The following ABHD12 variants were observed in gnomAD, a reference collection of about 807,000 sequenced individuals.
ABHD12 encodes the protein abhydrolase domain containing 12, lysophospholipase, also known as lysophosphatidylserine lipase ABHD12.
Under a neutral mutation model 58.3 loss-of-function variants are expected in ABHD12, and 43 were observed. The ratio of observed to expected loss-of-function variants is 0.74; its 90% CI spans 0.58 to 0.95. The LOEUF (loss-of-function observed/expected upper bound fraction) is 0.95, where lower values mean the gene tolerates loss of function less well. Among genes scored for constraint, ABHD12 ranks in the 40% least tolerant of loss-of-function variants. ABHD12 has a pLI of 0.00. For synonymous variants in ABHD12, 219 were observed against 211.2 expected, an observed-to-expected ratio of 1.04 and a Z score of -0.32; for missense variants, 539 against 537.2, an observed-to-expected ratio of 1.00 and a Z score of -0.03.
chr20:25,296,372 C>T (rs201489693), downstream of ABHD12: 8 of 1,614,050 alleles, frequency 5.0e-6, no homozygotes, highest in East Asian at 1.6e-4. Flanking sequence ...CCCTGCAGAA[C>T]CCCAAGGAGT....
rs2088807027 is a variant in ABHD12, at chr20:25,309,369, ACT to A, written c.749+75_749+76del. 3.7e-6 allele frequency: 6 copies of A among 1,602,906 alleles called. No homozygotes were observed. The African/African-American group carries it at 4.0e-5, about 11-fold the overall frequency. ...GCCACAGGGTTTGCAGGGATGGTGG[ACT>A]CTCTAGATCCAGGCATGGGAGTCAC... On this transcript the variant is annotated intron_variant, in intron 7 of 12. Transcript: ENST00000339157.
At chr20:25,294,824 G>GT (rs1485642046) in exon 13 of ABHD12, 1 of 813,900 alleles carries the variant, frequency 1.2e-6, no homozygotes, top group South Asian at 1.4e-5. Context: ...ACTTTGTAAG[G>GT]TTTGCAGCTC....
At chr20:25,331,970 G>A (rs1324060858) in intron 2 of ABHD12, among the ~76,000 whole-genome samples, 1 of 152,120 alleles carries the variant, frequency 6.6e-6, no homozygotes, top group African/African-American at 2.4e-5. Flanking sequence ...AACTTTGAAT[G>A]TAAATGGACT....
At chr20:25,386,137 T>A (rs775200083) in intron 1 of ABHD12, among the ~76,000 whole-genome samples, 1 of 134,876 alleles carries the variant, frequency 7.4e-6, no homozygotes, top group Non-Finnish European at 1.6e-5. Flanking sequence ...AATAAAAGTT[T>A]AGAATAAAAT....
intron 1 of ABHD12, among the ~76,000 whole-genome samples, chr20:25,360,847 G>C (rs1384735761): frequency 6.6e-6 from 1 of 152,174 alleles, no homozygotes; most frequent in Non-Finnish European, 1.5e-5. Context: ...AACCCGTCTG[G>C]GCTTCTACCT....
chr20:25,354,681 A>G (rs2089644925), intron 1 of ABHD12, among the ~76,000 whole-genome samples: 1 of 152,130 alleles, frequency 6.6e-6, no homozygotes, highest in Non-Finnish European at 1.5e-5. Flanking sequence ...AGACAGTGAC[A>G]CCAAAAGAAA....
rs1473615840 is a variant in ABHD12, at chr20:25,318,786, A to C, written c.542+1413T>G. ...GCTGTTTGTAGCCACTTGCTCTTTG[A>C]AAAGCAGAAGAGAAACCCTCTGCAG... On this transcript the variant is annotated intron_variant, in intron 4 of 12. Coordinates refer to ENST00000339157, the MANE Select transcript of ABHD12 (RefSeq NM_001042472.3). 4.6e-5 allele frequency among the ~76,000 whole-genome samples: 7 copies of C among 152,316 alleles called. No individual in the cohort carries two copies. In the East Asian group the frequency reaches 1.3e-3, roughly 29 times the overall value.
At chr20:25,383,677 C>T (rs545174370) in intron 1 of ABHD12, among the ~76,000 whole-genome samples, 2 of 151,890 alleles carry the variant, frequency 1.3e-5, no homozygotes, top group Non-Finnish European at 1.5e-5. Flanking sequence ...AAATTAAGGC[C>T]GGGCACAGTG....
chr20:25,303,498 T>C (rs2088677056), intron 11 of ABHD12, 52 bp downstream of exon 11: 8 of 1,605,040 alleles, frequency 5.0e-6, no homozygotes, highest in Non-Finnish European at 6.8e-6. Context: ...CCACCCACAC[T>C]GGCTGAGTGT....
intron 2 of ABHD12, among the ~76,000 whole-genome samples, chr20:25,335,310 G>C (rs1319242830): frequency 1.3e-5 from 2 of 150,726 alleles, no homozygotes; most frequent in African/African-American, 2.4e-5. Context: ...GGAAACAACA[G>C]GTGCTGGAGA....
At chr20:25,315,886 G>A (rs996443435) in intron 5 of ABHD12, among the ~76,000 whole-genome samples, 1 of 151,882 alleles carries the variant, frequency 6.6e-6, no homozygotes, top group African/African-American at 2.4e-5. Flanking sequence ...GTGGGCCAGT[G>A]CAGATGGCCC....
intron 1 of ABHD12, among the ~76,000 whole-genome samples, chr20:25,377,371 C>T (rs1363209882): frequency 6.6e-6 from 1 of 152,086 alleles, no homozygotes; most frequent in Non-Finnish European, 1.5e-5. Flanking sequence ...TTTTTTGTTT[C>T]TATAATTAAA....
At chr20:25,303,095 G>C (rs1215098747) in intron 11 of ABHD12, among the ~76,000 whole-genome samples, 1 of 152,224 alleles carries the variant, frequency 6.6e-6, no homozygotes, top group Non-Finnish European at 1.5e-5. Flanking sequence ...CAAAGGCAAG[G>C]AAACAGGCTA....
At chr20:25,339,944 C>T (rs2089433576) in intron 1 of ABHD12, among the ~76,000 whole-genome samples, 1 of 152,238 alleles carries the variant, frequency 6.6e-6, no homozygotes, top group African/African-American at 2.4e-5. Flanking sequence ...CCCGTCAAGC[C>T]AGGTCGCCAG....
intron 1 of ABHD12, among the ~76,000 whole-genome samples, chr20:25,353,780 TG>T: frequency 6.6e-6 from 1 of 152,352 alleles, no homozygotes; most frequent in South Asian, 2.1e-4. Context: ...AACGGCTGTC[TG>T]CACACCTTGG....
intron 7 of ABHD12, among the ~76,000 whole-genome samples, chr20:25,309,063 G>A (rs2088800411): frequency 2.0e-5 from 3 of 152,162 alleles, no homozygotes; most frequent in African/African-American, 7.2e-5. Flanking sequence ...CGTGGACCTC[G>A]CATCAGCAGA....
At chr20:25,312,153 A>G (rs2088860413) in intron 6 of ABHD12, among the ~76,000 whole-genome samples, 1 of 151,736 alleles carries the variant, frequency 6.6e-6, no homozygotes, top group South Asian at 2.1e-4. Flanking sequence ...ACCCTCTCTT[A>G]AAAAAAATAA....
Position 25,332,292 on chromosome 20 carries a change from C to G in ABHD12, c.316+6935G>C, listed in dbSNP as rs1466795115. Among the ~76,000 whole-genome samples the G allele has an allele frequency of 7.9e-5, 12 of 151,442 alleles. 2 individuals are homozygous for G. Among genetic ancestry groups the G allele is most frequent in the Middle Eastern group, 3.4e-3 (1 of 294 alleles). On this transcript the variant is annotated intron_variant, in intron 2 of 12. Coordinates refer to ENST00000339157, the MANE Select transcript of ABHD12 (RefSeq NM_001042472.3). ...ATATATGCACCCAATACAGGAGCAC[C>G]CAGATTCATAAAGCAAGTCCTGAGT...
chr20:25,309,295 T>G, intron 7 of ABHD12, 151 bp downstream of exon 7: 1 of 1,184,054 alleles, frequency 8.4e-7, no homozygotes, highest in South Asian at 1.4e-5. Flanking sequence ...TAACTTCCCC[T>G]CCTGCCTCTG....
Sources: allele counts gnomAD v4.1 joint callset (sites outside exome capture counted in the v4.1 genomes callset), GRCh38; gene constraint gnomAD v4.1.1; transcripts MANE v1.5; gene names NCBI Gene and HGNC (gene_info 2026-07-23, HGNC 2026-07-21).